The following GOLGA7B variants were observed in gnomAD, a reference collection of about 807,000 sequenced individuals.
GOLGA7B encodes the protein golgin A7 family member B, also known as golgin subfamily A member 7B.
A neutral mutation model predicts 21.5 loss-of-function variants in GOLGA7B; 17 were observed. The observed-to-expected ratio is 0.79, with a 90% CI of 0.54 to 1.19. The LOEUF is 1.19. Among genes scored for constraint, GOLGA7B ranks in the 50% most tolerant of loss-of-function variants. The probability of loss-of-function intolerance (pLI) is 0.00; values close to 1 mark genes in which losing one functional copy is unlikely to be tolerated. For missense variants in GOLGA7B, 169 were observed against 224.4 expected, an observed-to-expected ratio of 0.75 and a Z score of 1.58; for synonymous variants, 87 against 84.0, an observed-to-expected ratio of 1.04 and a Z score of -0.19.
Position 97,865,758 on chromosome 10 carries a change from C to T in GOLGA7B, c.*58C>T, listed in dbSNP as rs749346344. On this transcript the variant is annotated 3_prime_UTR_variant, in exon 5 of 5. Transcript: ENST00000370602. ...CCGGAGTGAGGGCCTTGCAGACCTG[C>T]GGCGGCTGCGCTACCAGAGCACCCG... is the stretch of plus-strand genomic sequence containing the variant. 7.0e-6 allele frequency: 9 copies of T among 1,294,784 alleles called. No individual in the cohort carries two copies. The highest frequency in any genetic ancestry group is 3.1e-4 in the Middle Eastern group (1 of 3,230). 80.2% of individuals were successfully genotyped at this position (1,294,784 alleles called of 1,614,324 possible).
rs2050029284 is a variant in GOLGA7B at position 97,866,684 on chromosome 10, GTC to G, written c.*986_*987del. 6.6e-6 allele frequency: 1 copy of G among 152,270 alleles called. No homozygotes were observed. Among genetic ancestry groups the G allele is most frequent in the Non-Finnish European group, 1.5e-5 (1 of 68,048 alleles). 9.4% of individuals were successfully genotyped at this position (152,270 alleles called of 1,614,324 possible). A position where few individuals can be genotyped will look rare whatever the true frequency, so the allele number is the denominator to read the frequency against. On this transcript the variant is annotated 3_prime_UTR_variant, in exon 5 of 5. Transcript: ENST00000370602. ...CACATTTATAAGCACACCTGTGTGT[GTC>G]TGAGTACATGTGCACACACGTGTGC...
intron 2 of GOLGA7B, among the ~76,000 whole-genome samples, chr10:97,859,920 G>T (rs913922697): frequency 9.2e-5 from 14 of 152,180 alleles, no homozygotes; most frequent in Admixed American, 7.9e-4. Context: ...CAGCAGTGCT[G>T]ATCCAGTTGT....
intron 1 of GOLGA7B, among the ~76,000 whole-genome samples, chr10:97,851,334 G>A (rs190153350): frequency 6.6e-6 from 1 of 152,316 alleles, no homozygotes; most frequent in East Asian, 1.9e-4. Flanking sequence ...ATTCAATGCA[G>A]TGCTTCTGGG....
chr10:97,855,132 C>T (rs551702427), intron 1 of GOLGA7B, among the ~76,000 whole-genome samples: 4 of 152,260 alleles, frequency 2.6e-5, no homozygotes, highest in East Asian at 1.9e-4. Context: ...GCTAGCCAGT[C>T]GCTAGAGACA....
intron 1 of GOLGA7B, among the ~76,000 whole-genome samples, chr10:97,855,627 C>T (rs1205769144): frequency 1.3e-5 from 2 of 152,216 alleles, no homozygotes; most frequent in Non-Finnish European, 2.9e-5. Context: ...AGTCCATCCT[C>T]AAGATTGACT....
At chr10:97,862,815 A>G (rs962533457) in intron 2 of GOLGA7B, among the ~76,000 whole-genome samples, 10 of 152,196 alleles carry the variant, frequency 6.6e-5, no homozygotes, top group African/African-American at 2.2e-4. Flanking sequence ...GAGGTGAATG[A>G]TCCTGGGCAC....
intron 4 of GOLGA7B, 23 bp from the exon 5 acceptor site, chr10:97,865,567 C>T: frequency 6.2e-7 from 1 of 1,610,132 alleles, no homozygotes; most frequent in Non-Finnish European, 8.5e-7. Flanking sequence ...GGGCTCGCAG[C>T]TCTCCTTAAC....
intron 1 of GOLGA7B, among the ~76,000 whole-genome samples, chr10:97,854,324 C>T (rs1382031364): frequency 3.3e-5 from 5 of 152,144 alleles, no homozygotes; most frequent in Admixed American, 1.3e-4. Flanking sequence ...TTTCCCAGGG[C>T]CATGTGGCCC....
In GOLGA7B at chr10:97,870,524, C is replaced by T. The variant is rs2050081156; in HGVS notation, c.*4824C>T. On this transcript the variant is annotated 3_prime_UTR_variant, in exon 5 of 5. Transcript: ENST00000370602. ...TGTTTCTTGATCAGAGTGCCAGTTA[C>T]ACGGGGTGCTCACTTCATGAGAATT... is the stretch of plus-strand genomic sequence containing the variant. The T allele has an allele frequency of 6.6e-6, 1 of 152,110 alleles. No homozygotes were observed. The highest frequency in any genetic ancestry group is 2.4e-5 in the African/African-American group (1 of 41,400). 9.4% of individuals were successfully genotyped at this position (152,110 alleles called of 1,614,324 possible). A position where few individuals can be genotyped will look rare whatever the true frequency, so the allele number is the denominator to read the frequency against.
intron 4 of GOLGA7B, 47 bp from the exon 5 acceptor site, chr10:97,865,543 C>G: frequency 6.2e-7 from 1 of 1,604,238 alleles, no homozygotes; most frequent in Non-Finnish European, 8.5e-7. Context: ...ATGTCCCACC[C>G]CTGCTCAGCA....
chr10:97,863,859 T>C lies in GOLGA7B; in HGVS notation c.139-71T>C, dbSNP rs1360324482. On this transcript the variant is annotated intron_variant, in intron 2 of 4. Transcript: ENST00000370602. ...ATCTACATGGCCCCACCATTGTCACTTCCAGCCCTACCTGTGACTGTGCAC... is the reference window on the plus strand; with the variant it reads ...ATCTACATGGCCCCACCATTGTCACCTCCAGCCCTACCTGTGACTGTGCAC... 2.7e-6 allele frequency: 4 copies of C among 1,504,860 alleles called. No individual in the cohort carries two copies. The East Asian group carries it at 9.1e-5, about 34-fold the overall frequency. The allele number at this position is 1,504,860 out of a possible 1,614,324, so 93.2% of individuals were successfully genotyped here. A position where few individuals can be genotyped will look rare whatever the true frequency, so the allele number is the denominator to read the frequency against.
chr10:97,866,007 C>T lies in GOLGA7B; in HGVS notation c.*307C>T, dbSNP rs1164761071. 2.6e-5 allele frequency: 10 copies of T among 384,392 alleles called. No individual in the cohort carries two copies. The highest frequency in any genetic ancestry group is 4.2e-5 in the Non-Finnish European group (9 of 214,594). 23.8% of individuals were successfully genotyped at this position (384,392 alleles called of 1,614,324 possible). On this transcript the variant is annotated 3_prime_UTR_variant, in exon 5 of 5. Coordinates refer to ENST00000370602, the MANE Select transcript of GOLGA7B (RefSeq NM_001010917.3). ...TGGGGTGGGGAGAACACAACCTAGGCGGCCCCTCTCTTCCACAGCCCCTCT... is the reference window on the plus strand; with the variant it reads ...TGGGGTGGGGAGAACACAACCTAGGTGGCCCCTCTCTTCCACAGCCCCTCT...
In GOLGA7B at chr10:97,865,715, C is replaced by T. The variant is rs1474601275; in HGVS notation, c.*15C>T. 1.9e-6 allele frequency: 3 copies of T among 1,597,156 alleles called. No homozygotes were observed. Among genetic ancestry groups the T allele is most frequent in the South Asian group, 2.2e-5 (2 of 89,244 alleles). ...GGGCCCGGTGACTGGCCGAGAGTCCCTGTAGGGAGGTGTATGGCCGGAGTG... is the reference window on the plus strand; with the variant it reads ...GGGCCCGGTGACTGGCCGAGAGTCCTTGTAGGGAGGTGTATGGCCGGAGTG... On this transcript the variant is annotated 3_prime_UTR_variant, in exon 5 of 5. Transcript: ENST00000370602.
At chr10:97,859,362 A>T in intron 1 of GOLGA7B, 96 bp from the exon 2 acceptor site, 1 of 1,242,624 alleles carries the variant, frequency 8.0e-7, no homozygotes, top group Non-Finnish European at 1.1e-6. Flanking sequence ...TCCTGGTGTT[A>T]GTGCTGGAAG....
chr10:97,854,166 C>T (rs1259534764), intron 1 of GOLGA7B, among the ~76,000 whole-genome samples: 4 of 152,216 alleles, frequency 2.6e-5, no homozygotes, highest in Non-Finnish European at 5.9e-5. Context: ...CCACCTGGCC[C>T]ACTTATTGCT....
chr10:97,864,316 A>G (rs2049995317), intron 4 of GOLGA7B, 47 bp downstream of exon 4: 1 of 1,517,474 alleles, frequency 6.6e-7, no homozygotes, highest in Non-Finnish European at 9.1e-7. Context: ...ACTGCTAACC[A>G]GTAGAGATCC....
At chr10:97,850,758 C>T (rs1221757041) in intron 1 of GOLGA7B, among the ~76,000 whole-genome samples, 3 of 152,146 alleles carry the variant, frequency 2.0e-5, no homozygotes, top group Non-Finnish European at 2.9e-5. Flanking sequence ...ATCCGCATTT[C>T]CTTTGCGGGA....
chr10:97,860,627 A>G (rs1282986072), intron 2 of GOLGA7B, among the ~76,000 whole-genome samples: 1 of 152,226 alleles, frequency 6.6e-6, no homozygotes, highest in East Asian at 1.9e-4. Context: ...TGCTGGGATT[A>G]CAGGTGTGAG....
At chr10:97,862,469 T>C (rs981834053) in intron 2 of GOLGA7B, among the ~76,000 whole-genome samples, 3 of 152,212 alleles carry the variant, frequency 2.0e-5, no homozygotes, top group Non-Finnish European at 4.4e-5. Flanking sequence ...TTATATACTG[T>C]ATTCTTATAA....
Sources: gnomAD v4.1 joint callset for allele counts (sites outside exome capture counted in the v4.1 genomes callset) on GRCh38, gnomAD v4.1.1 for gene constraint, MANE v1.5 for transcripts, NCBI Gene and HGNC (gene_info 2026-07-23, HGNC 2026-07-21) for gene names.